CNTNAP5: variants seen among roughly 807,000 people sequenced by gnomAD.
CNTNAP5 encodes contactin-associated protein-like 5.
Under a neutral mutation model 150.2 loss-of-function variants are expected in CNTNAP5, and 72 were observed. That is an observed-to-expected ratio of 0.48 (90% CI 0.40 to 0.58). The LOEUF is 0.58. CNTNAP5 is among the 20% of genes least tolerant of loss of function. The pLI is 0.00. For synonymous variants in CNTNAP5, 672 were observed against 619.8 expected, an observed-to-expected ratio of 1.08 and a Z score of -1.25; for missense variants, 1,636 against 1,626.2, an observed-to-expected ratio of 1.01 and a Z score of -0.10.
intron 8 of CNTNAP5, among the ~76,000 whole-genome samples, chr2:124,521,948 G>A (rs899178195): frequency 6.6e-6 from 1 of 152,136 alleles, no homozygotes; most frequent in Non-Finnish European, 1.5e-5. Context: ...AGGAAGTGGG[G>A]CCACCAGGCT....
chr2:124,082,805 G>T (rs1003223241), intron 1 of CNTNAP5, among the ~76,000 whole-genome samples: 2 of 152,104 alleles, frequency 1.3e-5, no homozygotes, highest in Admixed American at 6.5e-5. Flanking sequence ...AGAGCATTTG[G>T]TGTTGTCACT....
At chr2:124,154,093 T>C (rs184679163) in intron 1 of CNTNAP5, among the ~76,000 whole-genome samples, 109 of 152,298 alleles carry the variant, frequency 7.2e-4, no homozygotes, top group African/African-American at 2.5e-3. Context: ...ATACATCAGT[T>C]ATTTAACCTC....
At chr2:124,437,703 G>C (rs1027989317) in intron 5 of CNTNAP5, among the ~76,000 whole-genome samples, 3 of 151,996 alleles carry the variant, frequency 2.0e-5, no homozygotes, top group African/African-American at 7.3e-5. Flanking sequence ...CCTTAAAGGG[G>C]AAAGGGTTTA....
chr2:124,254,163 A>T (rs1051380292), intron 3 of CNTNAP5, among the ~76,000 whole-genome samples: 1 of 152,192 alleles, frequency 6.6e-6, no homozygotes, highest in Admixed American at 6.5e-5. Flanking sequence ...TATAAAAAGT[A>T]CTCAAGTTAG....
At chr2:124,336,518 T>C (rs1322456947) in intron 3 of CNTNAP5, among the ~76,000 whole-genome samples, 44 of 88,350 alleles carry the variant, frequency 5.0e-4, no homozygotes, top group East Asian at 1.4e-3. Context: ...ATGCTATCCC[T>C]CCCCCCTCCC....
intron 13 of CNTNAP5, among the ~76,000 whole-genome samples, chr2:124,701,399 A>T (rs535076319): frequency 6.6e-6 from 1 of 152,054 alleles, no homozygotes; most frequent in Non-Finnish European, 1.5e-5. Flanking sequence ...GTATATATGT[A>T]CCTCAGTTTC....
intron 21 of CNTNAP5, among the ~76,000 whole-genome samples, chr2:124,896,746 C>T (rs1573695900): frequency 6.6e-6 from 1 of 151,400 alleles, no homozygotes; most frequent in African/African-American, 2.5e-5. Context: ...ACCGTGTTGG[C>T]CAGGCTGGTC....
rs758743037 is a variant in CNTNAP5 at position 124,797,202 on chromosome 2, CG to C, written c.2993-892del. On this transcript the variant is annotated intron_variant, in intron 18 of 23. Transcript: ENST00000682447. ...ATTATCTTGCCTGGGACCACATGGC[CG>C]GCATGAAACCAAGTGAGACTCAGAT... 9.7e-4 allele frequency among the ~76,000 whole-genome samples: 148 copies of C among 152,252 alleles called. 2 individuals carry two copies. The highest frequency in any genetic ancestry group is 6.8e-3 in the Middle Eastern group (2 of 294).
chr2:124,771,124 G>A (rs1369504508), intron 16 of CNTNAP5, among the ~76,000 whole-genome samples: 1 of 152,282 alleles, frequency 6.6e-6, no homozygotes, highest in East Asian at 1.9e-4. Flanking sequence ...AAGGTTTAAA[G>A]GCTGGGAAGA....
chr2:124,640,631 T>C (rs960863426), intron 12 of CNTNAP5, among the ~76,000 whole-genome samples: 11 of 152,172 alleles, frequency 7.2e-5, no homozygotes, highest in Non-Finnish European at 1.5e-4. Context: ...TTTAAAGGAA[T>C]TGGAAATCAC....
chr2:124,655,939 GAGAGAGAGAA>G (rs1386399283), intron 13 of CNTNAP5, among the ~76,000 whole-genome samples: 20 of 103,070 alleles, frequency 1.9e-4, no homozygotes, highest in African/African-American at 7.5e-4. Flanking sequence ...GAGAGAGAGA[GAGAGAGAGAA>G]AGAAAGAAAG....
chr2:124,900,015 A>G (rs2104756961), intron 21 of CNTNAP5, among the ~76,000 whole-genome samples: 1 of 151,368 alleles, frequency 6.6e-6, no homozygotes, highest in South Asian at 2.1e-4. Context: ...CATTGCTTAA[A>G]TACAGTTTGG....
chr2:124,453,928 C>A (rs1055672818), intron 6 of CNTNAP5, among the ~76,000 whole-genome samples: 4 of 151,974 alleles, frequency 2.6e-5, no homozygotes, highest in Admixed American at 1.3e-4. Context: ...AAAAAAAGAG[C>A]CTCTTTAAAG....
chr2:124,790,755 C>T (rs1162015319), intron 18 of CNTNAP5, among the ~76,000 whole-genome samples: 2 of 152,128 alleles, frequency 1.3e-5, no homozygotes, highest in African/African-American at 2.4e-5. Flanking sequence ...TACCCCTTCA[C>T]AATCTCCTGA....
intron 12 of CNTNAP5, among the ~76,000 whole-genome samples, chr2:124,637,830 T>C (rs1380855562): frequency 6.6e-6 from 1 of 152,148 alleles, no homozygotes. Context: ...TCTGCTCCAG[T>C]TTCTTTTTTA....
At chr2:124,369,781 A>G (rs557444289) in intron 3 of CNTNAP5, among the ~76,000 whole-genome samples, 24 of 152,276 alleles carry the variant, frequency 1.6e-4, no homozygotes, top group Middle Eastern at 3.4e-3. Flanking sequence ...GGACAAATGC[A>G]AGGAGGTCTT....
At chr2:124,619,934 TATG>T in intron 12 of CNTNAP5, among the ~76,000 whole-genome samples, 1 of 121,232 alleles carries the variant, frequency 8.2e-6, no homozygotes, top group Non-Finnish European at 1.9e-5. Context: ...TATATATATA[TATG>T]TAGTGCACAC....
At chr2:124,251,298 C>CA (rs74477257) in intron 3 of CNTNAP5, among the ~76,000 whole-genome samples, 2 of 151,668 alleles carry the variant, frequency 1.3e-5, no homozygotes, top group Admixed American at 6.6e-5. Context: ...CCCCACCCCC[C>CA]CAAGTATTGG....
chr2:124,120,755 G>T (rs1022368176), intron 1 of CNTNAP5, among the ~76,000 whole-genome samples: 1 of 152,156 alleles, frequency 6.6e-6, no homozygotes. Flanking sequence ...GCTTGAAAGA[G>T]TCACAATACT....
Sources: gnomAD v4.1 joint callset for allele counts (sites outside exome capture counted in the v4.1 genomes callset) on GRCh38, gnomAD v4.1.1 for gene constraint, MANE v1.5 for transcripts, NCBI Gene and HGNC (gene_info 2026-07-23, HGNC 2026-07-21) for gene names.